The following IGF1 variants were observed in gnomAD, a reference collection of about 807,000 sequenced individuals.
IGF1 encodes insulin-like growth factor 1.
IGF1 carries 4 observed loss-of-function variants against 13.8 expected under a neutral mutation model. That is an observed-to-expected ratio of 0.29 (90% CI 0.14 to 0.66). The LOEUF (loss-of-function observed/expected upper bound fraction) is 0.66. Among genes scored for constraint, IGF1 ranks in the 30% least tolerant of loss-of-function variants. The probability of loss-of-function intolerance (pLI) is 0.78; values close to 1 mark genes in which losing one functional copy is unlikely to be tolerated. For synonymous variants in IGF1, 76 were observed against 72.6 expected, an observed-to-expected ratio of 1.05 and a Z score of -0.23; for missense variants, 124 against 188.5, an observed-to-expected ratio of 0.66 and a Z score of 2.00.
intron 2 of IGF1, among the ~76,000 whole-genome samples, chr12:102,452,261 CAAAAAAAA>C (rs538007224): frequency 7.1e-5 from 3 of 42,158 alleles, no homozygotes; most frequent in Admixed American, 8.3e-4. Context: ...GACTCCGTCT[CAAAAAAAA>C]AAAAAAAAAA....
intron 2 of IGF1, among the ~76,000 whole-genome samples, chr12:102,436,678 G>A (rs1464199541): frequency 3.3e-5 from 5 of 151,876 alleles, no homozygotes; most frequent in Non-Finnish European, 7.4e-5. Flanking sequence ...CAAAGCAGAG[G>A]ACATTTAATT....
upstream of IGF1, among the ~76,000 whole-genome samples, chr12:102,481,479 C>A (rs11829693): frequency 6.6e-6 from 1 of 151,848 alleles, no homozygotes; most frequent in Non-Finnish European, 1.5e-5. Context: ...AATACCCTCT[C>A]GAGGGTTATG....
At chr12:102,430,856 T>C (rs1038911493) in intron 2 of IGF1, among the ~76,000 whole-genome samples, 1 of 152,216 alleles carries the variant, frequency 6.6e-6, no homozygotes, top group Admixed American at 6.5e-5. Context: ...TTTCCCTCAG[T>C]TGGACTCTGA....
chr12:102,407,980 A>G (rs1337880619), intron 3 of IGF1, among the ~76,000 whole-genome samples: 3 of 152,198 alleles, frequency 2.0e-5, no homozygotes, highest in Non-Finnish European at 4.4e-5. Context: ...GATGTTTTCA[A>G]TAGACTATGT....
At chr12:102,466,827 G>T (rs1880369588) in intron 2 of IGF1, among the ~76,000 whole-genome samples, 1 of 152,104 alleles carries the variant, frequency 6.6e-6, no homozygotes, top group African/African-American at 2.4e-5. Flanking sequence ...GATCACTTGA[G>T]CCTGGGAGGT....
At chr12:102,460,207 G>A (rs952366820) in intron 2 of IGF1, among the ~76,000 whole-genome samples, 3 of 152,230 alleles carry the variant, frequency 2.0e-5, no homozygotes, top group Non-Finnish European at 4.4e-5. Flanking sequence ...TACATATTGG[G>A]TGGACCAAAC....
chr12:102,417,576 TTTTTTTCATTTTTGCCACTGTCTTTC>T, intron 3 of IGF1: 1 of 1,222,252 alleles, frequency 8.2e-7, no homozygotes, highest in Non-Finnish European at 1.0e-6. Flanking sequence ...TTTTTATTTT[TTTTTTTCATTTTTGCCACTGTCTTTC>T]TTTGCGCTTT....
upstream of IGF1, among the ~76,000 whole-genome samples, chr12:102,480,864 A>G (rs1365906137): frequency 6.6e-6 from 1 of 152,244 alleles, no homozygotes; most frequent in Non-Finnish European, 1.5e-5. Context: ...GGGCATGAAG[A>G]CACAAACGTC....
intron 2 of IGF1, among the ~76,000 whole-genome samples, chr12:102,436,312 G>A (rs1863943021): frequency 6.6e-6 from 1 of 152,146 alleles, no homozygotes; most frequent in Non-Finnish European, 1.5e-5. Context: ...CCCGCCAAAT[G>A]GAAAGCGAGA....
At chr12:102,435,963 C>G (rs1274899257) in intron 2 of IGF1, among the ~76,000 whole-genome samples, 1 of 152,192 alleles carries the variant, frequency 6.6e-6, no homozygotes, top group Non-Finnish European at 1.5e-5. Context: ...AATATACGAT[C>G]ACGTCCTGTG....
intron 3 of IGF1, among the ~76,000 whole-genome samples, chr12:102,409,090 T>C (rs1874414205): frequency 6.6e-6 from 1 of 152,212 alleles, no homozygotes; most frequent in African/African-American, 2.4e-5. Flanking sequence ...TCCTCTTCTG[T>C]AAAATGAAAG....
intron 2 of IGF1, among the ~76,000 whole-genome samples, chr12:102,446,888 C>T (rs1224619032): frequency 6.6e-6 from 1 of 152,180 alleles, no homozygotes; most frequent in East Asian, 1.9e-4. Context: ...CTAAAAACTG[C>T]TTTAGCTGTG....
intron 2 of IGF1, among the ~76,000 whole-genome samples, chr12:102,469,700 C>A (rs151019974): frequency 3.7e-3 from 562 of 152,228 alleles, no homozygotes; most frequent in African/African-American, 0.013. Context: ...TTGGAAGCAT[C>A]TCCCTATGCT....
chr12:102,410,790 T>C (rs1186978523), intron 3 of IGF1, among the ~76,000 whole-genome samples: 2 of 152,244 alleles, frequency 1.3e-5, no homozygotes, highest in Non-Finnish European at 2.9e-5. Context: ...TGCTGTGTTC[T>C]GAATTTTCCT....
At chr12:102,447,332 G>A (rs1411888951) in intron 2 of IGF1, among the ~76,000 whole-genome samples, 1 of 152,168 alleles carries the variant, frequency 6.6e-6, no homozygotes, top group Non-Finnish European at 1.5e-5. Context: ...GGGAGTTAAA[G>A]TCTCCCAGCA....
chr12:102,472,961 C>T (rs987288192), intron 2 of IGF1, among the ~76,000 whole-genome samples: 27 of 152,072 alleles, frequency 1.8e-4, no homozygotes, highest in African/African-American at 6.0e-4. Context: ...TACTTGACAA[C>T]CTTAATTCTT....
chr12:102,423,138 A>G (rs1224089297), intron 2 of IGF1: 1 of 152,092 alleles, frequency 6.6e-6, no homozygotes, highest in Non-Finnish European at 1.5e-5. Flanking sequence ...TATGGTTGGA[A>G]ACCACTTCAA....
intron 2 of IGF1, chr12:102,463,313 A>G (rs1188581116): frequency 6.6e-6 from 1 of 152,190 alleles, no homozygotes; most frequent in African/African-American, 2.4e-5. Flanking sequence ...GAAACATAAA[A>G]CTCAAACTAC....
Position 102,402,417 on chromosome 12 carries a change from TG to T in IGF1, c.*89del. The T allele has an allele frequency of 5.1e-6, 4 of 778,344 alleles. No homozygotes were observed. The highest frequency in any genetic ancestry group is 9.6e-6 in the Non-Finnish European group (4 of 416,678). 48.2% of individuals were successfully genotyped at this position (778,344 alleles called of 1,614,324 possible). Reference sequence around the variant, plus strand: ...TTTAAATGTTATCAAACTTATTTTTTGGTAGGTGTTCCAAAGTTTAACAGGT... The same window carrying T: ...TTTAAATGTTATCAAACTTATTTTTTGTAGGTGTTCCAAAGTTTAACAGGT... On this transcript the variant is annotated 3_prime_UTR_variant, in exon 4 of 4. Transcript: ENST00000337514.
Sources: gnomAD v4.1 joint callset for allele counts (sites outside exome capture counted in the v4.1 genomes callset) on GRCh38, gnomAD v4.1.1 for gene constraint, MANE v1.5 for transcripts, NCBI Gene and HGNC (gene_info 2026-07-23, HGNC 2026-07-21) for gene names.